ALK: variants seen among roughly 807,000 people sequenced by gnomAD.
ALK encodes the protein ALK receptor tyrosine kinase, also known as ALK tyrosine kinase receptor.
Under a neutral mutation model 163.1 loss-of-function variants are expected in ALK, and 74 were observed. That is an observed-to-expected ratio of 0.45 (90% CI 0.38 to 0.55). The LOEUF is 0.55. Among genes scored for constraint, ALK ranks in the 20% least tolerant of loss-of-function variants. The probability of loss-of-function intolerance (pLI) is 0.00; values close to 1 mark genes in which losing one functional copy is unlikely to be tolerated. For missense variants in ALK, 2,063 were observed against 2,105.3 expected, an observed-to-expected ratio of 0.98 and a Z score of 0.39; for synonymous variants, 960 against 843.2, an observed-to-expected ratio of 1.14 and a Z score of -2.40.
At chr2:29,591,130 T>C (rs1675046656) in intron 3 of ALK, among the ~76,000 whole-genome samples, 2 of 147,574 alleles carry the variant, frequency 1.4e-5, no homozygotes, top group South Asian at 4.3e-4. Context: ...TTCCCTATCA[T>C]GATGGTCCTG....
At chr2:29,682,885 A>C (rs1370813672) in intron 3 of ALK, among the ~76,000 whole-genome samples, 1 of 152,194 alleles carries the variant, frequency 6.6e-6, no homozygotes, top group Non-Finnish European at 1.5e-5. Context: ...GTTGCCAAAT[A>C]TAACACAAAT....
chr2:29,609,176 G>A (rs916279556), intron 3 of ALK, among the ~76,000 whole-genome samples: 7 of 152,144 alleles, frequency 4.6e-5, no homozygotes, highest in African/African-American at 7.2e-5. Context: ...TGCCTGCCTC[G>A]GCCTCCCAGA....
At chr2:29,682,720 A>G (rs1197794575) in intron 3 of ALK, among the ~76,000 whole-genome samples, 1 of 152,214 alleles carries the variant, frequency 6.6e-6, no homozygotes, top group African/African-American at 2.4e-5. Context: ...TTTAATGTCT[A>G]TCTACTTTAG....
At chr2:29,557,735 T>C (rs1673902550) in intron 3 of ALK, among the ~76,000 whole-genome samples, 1 of 152,108 alleles carries the variant, frequency 6.6e-6, no homozygotes, top group Non-Finnish European at 1.5e-5. Context: ...TAATATAGTG[T>C]GAAAACAAGC....
intron 1 of ALK, among the ~76,000 whole-genome samples, chr2:29,905,024 T>C (rs1667502498): frequency 6.6e-6 from 1 of 152,220 alleles, no homozygotes; most frequent in Non-Finnish European, 1.5e-5. Context: ...CACATGCACA[T>C]ATAAAATACT....
chr2:29,229,369 G>A (rs1045361352), intron 15 of ALK, among the ~76,000 whole-genome samples: 2 of 152,168 alleles, frequency 1.3e-5, no homozygotes, highest in African/African-American at 4.8e-5. Context: ...AAGGATGGGG[G>A]GACGTGGGCA....
intron 4 of ALK, among the ~76,000 whole-genome samples, chr2:29,507,930 C>A (rs7586234): frequency 0.31 from 46,942 of 152,092 alleles, 7,367 homozygotes; most frequent in East Asian, 0.35. Flanking sequence ...AGAGAATGCA[C>A]TGATTGGTCA....
chr2:29,454,252 GA>G (rs1342857495), intron 4 of ALK, among the ~76,000 whole-genome samples: 5 of 152,046 alleles, frequency 3.3e-5, no homozygotes, highest in African/African-American at 9.7e-5. Context: ...TTGGTTCCAG[GA>G]CCCCCCTGTG....
intron 4 of ALK, among the ~76,000 whole-genome samples, chr2:29,427,931 C>A (rs1670185041): frequency 6.6e-6 from 1 of 152,068 alleles, no homozygotes; most frequent in South Asian, 2.1e-4. Flanking sequence ...AAATTATTTT[C>A]TCTGACCATA....
chr2:29,205,417 AAACCAACC>A (rs887128608), intron 26 of ALK, among the ~76,000 whole-genome samples: 5 of 152,198 alleles, frequency 3.3e-5, no homozygotes, highest in Non-Finnish European at 5.9e-5. Flanking sequence ...GTAAAAAACA[AAACCAACC>A]AACCAACCAA....
intron 26 of ALK, among the ~76,000 whole-genome samples, chr2:29,206,274 C>T (rs947749518): frequency 6.0e-5 from 9 of 149,614 alleles, no homozygotes; most frequent in African/African-American, 9.9e-5. Context: ...TTCTCTCTCT[C>T]GTTCCCTCCC....
At chr2:29,503,653 G>A (rs1000010170) in intron 4 of ALK, among the ~76,000 whole-genome samples, 1 of 152,094 alleles carries the variant, frequency 6.6e-6, no homozygotes, top group Non-Finnish European at 1.5e-5. Flanking sequence ...AAGAATCCCA[G>A]CCCAGGGGCA....
At chr2:29,794,720 C>T (rs1004843291) in intron 1 of ALK, among the ~76,000 whole-genome samples, 3 of 152,072 alleles carry the variant, frequency 2.0e-5, no homozygotes, top group Admixed American at 1.3e-4. Context: ...TCAGAGCACA[C>T]AATTATTGAA....
At chr2:29,231,499 C>G (rs1306333497) in intron 15 of ALK, among the ~76,000 whole-genome samples, 1 of 152,138 alleles carries the variant, frequency 6.6e-6, no homozygotes, top group Non-Finnish European at 1.5e-5. Context: ...ACATGTGCAA[C>G]AGAGGCAGAG....
chr2:29,229,372 C>T (rs62130589), intron 15 of ALK, among the ~76,000 whole-genome samples: 3 of 152,124 alleles, frequency 2.0e-5, no homozygotes, highest in East Asian at 1.9e-4. Context: ...GATGGGGGGA[C>T]GTGGGCAGAC....
At position 29,197,658 on chromosome 2, in the gene ALK, T is replaced by C. The variant is rs748527047; in HGVS notation, c.3957A>G (p.Leu1319=). ...KTDTWSFGVL[L]WEIFSLGYMP... ...TATATCCAAGAGAAAAGATTTCCCA[T>C]AGCAGCACTCCAAAGGACCTGGGCA... The change falls in exon 27 of 29, where the codon CTA becomes CTG. Residue 1319 remains leucine (L), a synonymous_variant. Transcript: ENST00000389048. 1.2e-6 allele frequency: 2 copies of C among 1,613,920 alleles called. No individual in the cohort carries two copies. Among genetic ancestry groups the C allele is most frequent in the Non-Finnish European group, 8.5e-7 (1 of 1,179,956 alleles).
chr2:29,660,659 C>T (rs537739025), intron 3 of ALK, among the ~76,000 whole-genome samples: 11 of 140,240 alleles, frequency 7.8e-5, no homozygotes, highest in Middle Eastern at 3.6e-3. Context: ...AGGAGAGAAA[C>T]GGCCCAGGGA....
chr2:29,586,973 G>A (rs1296034493), intron 3 of ALK, among the ~76,000 whole-genome samples: 3 of 152,136 alleles, frequency 2.0e-5, no homozygotes, highest in Non-Finnish European at 4.4e-5. Context: ...CTGAGATGGG[G>A]GAATCTAGTA....
intron 1 of ALK, among the ~76,000 whole-genome samples, chr2:29,840,146 A>G (rs1232217269): frequency 1.3e-5 from 2 of 152,170 alleles, no homozygotes; most frequent in Non-Finnish European, 2.9e-5. Flanking sequence ...AAAACAAACA[A>G]AAACAAACCC....
Sources: gnomAD v4.1 joint callset for allele counts (sites outside exome capture counted in the v4.1 genomes callset) on GRCh38, gnomAD v4.1.1 for gene constraint, MANE v1.5 for transcripts, NCBI Gene and HGNC (gene_info 2026-07-23, HGNC 2026-07-21) for gene names.